DOCK1: variants seen among roughly 807,000 people sequenced by gnomAD.
DOCK1 encodes dedicator of cytokinesis protein 1.
In DOCK1, 138 loss-of-function variants were observed where a neutral mutation model predicts 262.7. The observed-to-expected ratio is 0.53, with a 90% CI of 0.46 to 0.61. The LOEUF is 0.61. Ranked by LOEUF, DOCK1 falls within the 20% of genes least tolerant of loss-of-function variation. The pLI, the probability that DOCK1 is intolerant of heterozygous loss-of-function variation, is 0.00. For missense variants in DOCK1, 1,908 were observed against 2,370.7 expected (o/e 0.80, Z 4.05); for synonymous variants, 866 against 867.4 (o/e 1.00, Z 0.03).
chr10:127,243,878 G>T (rs919865388), intron 27 of DOCK1, among the ~76,000 whole-genome samples: 38 of 152,160 alleles, frequency 2.5e-4, no homozygotes, highest in African/African-American at 8.9e-4. Context: ...AAAACAATCT[G>T]GGCTTAGTCT....
intron 44 of DOCK1, among the ~76,000 whole-genome samples, chr10:127,417,956 G>T (rs753619400): frequency 2.6e-5 from 4 of 152,108 alleles, no homozygotes; most frequent in Non-Finnish European, 5.9e-5. Flanking sequence ...TAACCGGACA[G>T]GTAGTGCAGG....
At chr10:127,186,506 C>CAA (rs2056255559) in intron 27 of DOCK1, among the ~76,000 whole-genome samples, 1 of 19,150 alleles carries the variant, frequency 5.2e-5, no homozygotes, top group African/African-American at 1.9e-4. Flanking sequence ...TGGGAGAAAC[C>CAA]GCCCCCCCGC....
chr10:127,356,037 T>G (rs1322198529), intron 32 of DOCK1, among the ~76,000 whole-genome samples: 1 of 152,222 alleles, frequency 6.6e-6, no homozygotes, highest in Non-Finnish European at 1.5e-5. Context: ...TTTCTGCGTG[T>G]CAGTCCTGGA....
chr10:127,402,526 C>G (rs2067280229), intron 38 of DOCK1, among the ~76,000 whole-genome samples: 1 of 152,214 alleles, frequency 6.6e-6, no homozygotes, highest in African/African-American at 2.4e-5. Context: ...CATAGTCACA[C>G]ACATACATCA....
chr10:127,083,914 T>C (rs995157289), intron 23 of DOCK1, among the ~76,000 whole-genome samples: 12 of 152,234 alleles, frequency 7.9e-5, no homozygotes, highest in Non-Finnish European at 1.2e-4. Context: ...ATTATTGTGC[T>C]GCTGATACTT....
chr10:127,119,337 C>T (rs1206851869), intron 25 of DOCK1, among the ~76,000 whole-genome samples: 3 of 152,158 alleles, frequency 2.0e-5, no homozygotes, highest in African/African-American at 4.8e-5. Flanking sequence ...TGAGCCACCG[C>T]GCCCGGCCGG....
intron 22 of DOCK1, among the ~76,000 whole-genome samples, chr10:127,055,360 AG>A (rs2045068209): frequency 1.3e-5 from 2 of 152,044 alleles, no homozygotes. Flanking sequence ...CAGGTGGAGG[AG>A]AGGGGAAGGC....
At chr10:126,959,262 A>G (rs2036999612) in intron 1 of DOCK1, among the ~76,000 whole-genome samples, 1 of 152,208 alleles carries the variant, frequency 6.6e-6, no homozygotes, top group Non-Finnish European at 1.5e-5. Flanking sequence ...AAAAAGATCT[A>G]GCTATGTTAA....
At chr10:127,261,918 GTGCTCATC>G (rs2060160189) in intron 29 of DOCK1, among the ~76,000 whole-genome samples, 2 of 141,116 alleles carry the variant, frequency 1.4e-5, no homozygotes, top group Non-Finnish European at 1.5e-5. Flanking sequence ...GTGTGTACCC[GTGCTCATC>G]TGTGTGCATG....
intron 40 of DOCK1, among the ~76,000 whole-genome samples, chr10:127,406,630 T>C (rs1470714425): frequency 6.6e-6 from 1 of 152,210 alleles, no homozygotes; most frequent in African/African-American, 2.4e-5. Flanking sequence ...TTTGCTTTGT[T>C]TTTCTCTAAA....
intron 21 of DOCK1, among the ~76,000 whole-genome samples, chr10:127,050,267 A>T (rs1392872183): frequency 6.6e-6 from 1 of 151,276 alleles, no homozygotes; most frequent in African/African-American, 2.4e-5. Flanking sequence ...TATTTCCAAT[A>T]TCCTTAATTA....
rs958171844 is a variant in DOCK1, at chr10:126,995,471, T to C, written c.474-1277T>C. ...CGGGCCAACCCGGTGAAACCCCGTC[T>C]CCATCAAAAAATACGAAAACCAGTC... is the stretch of plus-strand genomic sequence containing the variant. On this transcript the variant is annotated intron_variant, in intron 6 of 51. Transcript: ENST00000623213. The surrounding 1 kb of genome is among the most constrained non-coding windows in gnomAD (Gnocchi z 5.8). 5.3e-5 allele frequency among the ~76,000 whole-genome samples: 8 copies of C among 152,104 alleles called. No individual in the cohort carries two copies. The highest frequency in any genetic ancestry group is 1.9e-4 in the African/African-American group (8 of 41,420).
intron 23 of DOCK1, among the ~76,000 whole-genome samples, chr10:127,075,077 GA>G (rs2046435981): frequency 6.7e-6 from 1 of 148,556 alleles, no homozygotes; most frequent in Non-Finnish European, 1.5e-5. Flanking sequence ...GCTGAGGCAG[GA>G]GAATCGCCTG....
At chr10:127,117,418 T>A (rs2049259702) in intron 25 of DOCK1, among the ~76,000 whole-genome samples, 1 of 152,206 alleles carries the variant, frequency 6.6e-6, no homozygotes, top group South Asian at 2.1e-4. Flanking sequence ...ATATGAGTAA[T>A]GCATTCTGAA....
At chr10:127,292,787 T>A (rs2061388604) in intron 29 of DOCK1, among the ~76,000 whole-genome samples, 1 of 152,128 alleles carries the variant, frequency 6.6e-6, no homozygotes, top group African/African-American at 2.4e-5. Flanking sequence ...GTGATGGGCT[T>A]TAATGTTTTG....
intron 21 of DOCK1, among the ~76,000 whole-genome samples, chr10:127,047,080 G>A (rs1042137650): frequency 6.6e-6 from 1 of 152,218 alleles, no homozygotes. Context: ...CACGCATGGT[G>A]CTAGTTTTTG....
At chr10:126,970,089 C>A (rs2037984939) in intron 1 of DOCK1, among the ~76,000 whole-genome samples, 1 of 152,052 alleles carries the variant, frequency 6.6e-6, no homozygotes. Flanking sequence ...TGCCTTTATT[C>A]CATAATGCAT....
intron 38 of DOCK1, among the ~76,000 whole-genome samples, chr10:127,399,388 T>C (rs2134283247): frequency 6.6e-6 from 1 of 152,258 alleles, no homozygotes; most frequent in South Asian, 2.1e-4. Context: ...GTATTCACGT[T>C]GGAAGTATGA....
intron 1 of DOCK1, among the ~76,000 whole-genome samples, chr10:126,942,948 G>T (rs1183205730): frequency 6.6e-6 from 1 of 152,010 alleles, no homozygotes; most frequent in Non-Finnish European, 1.5e-5. Flanking sequence ...TGTTCATCTA[G>T]AAATGATCAT....
Sources: allele counts gnomAD v4.1 joint callset (sites outside exome capture counted in the v4.1 genomes callset), GRCh38; gene constraint gnomAD v4.1.1; non-coding constraint Gnocchi (gnomAD v3.1); transcripts MANE v1.5; gene names NCBI Gene and HGNC (gene_info 2026-07-23, HGNC 2026-07-21).